Variants in TAF4B observed in about 807,000 individuals in gnomAD.
TAF4B encodes the protein TATA-box binding protein associated factor 4b, also known as transcription initiation factor TFIID subunit 4B.
TAF4B carries 38 observed loss-of-function variants against 86.4 expected under a neutral mutation model. The observed-to-expected ratio is 0.44, with a 90% CI of 0.34 to 0.58. TAF4B has a LOEUF of 0.58. Among genes scored for constraint, TAF4B ranks in the 20% least tolerant of loss-of-function variants. The pLI, the probability that TAF4B is intolerant of heterozygous loss-of-function variation, is 0.02. For missense variants in TAF4B, 988 were observed against 1,027.6 expected, an observed-to-expected ratio of 0.96 and a Z score of 0.53; for synonymous variants, 388 against 391.2, an observed-to-expected ratio of 0.99 and a Z score of 0.10.
At chr18:26,252,902 A>G (rs112250127) in intron 1 of TAF4B, among the ~76,000 whole-genome samples, 7 of 151,854 alleles carry the variant, frequency 4.6e-5, no homozygotes, top group African/African-American at 1.4e-4. Flanking sequence ...ATTTTATCAT[A>G]GGTATGTATG....
intron 1 of TAF4B, among the ~76,000 whole-genome samples, chr18:26,230,054 T>A (rs188842286): frequency 4.0e-4 from 61 of 152,110 alleles, no homozygotes; most frequent in African/African-American, 1.4e-3. Flanking sequence ...ATAAAAAGAA[T>A]GCACAAGAGA....
At chr18:26,321,305 A>G (rs2056960803) in intron 11 of TAF4B, 105 bp downstream of exon 11, 1 of 1,133,302 alleles carries the variant, frequency 8.8e-7, no homozygotes. Context: ...GTTGAGGCTT[A>G]TATTTCATAT....
At chr18:26,255,603 C>CAACAAA in intron 1 of TAF4B, 1 of 480,086 alleles carries the variant, frequency 2.1e-6, no homozygotes, top group Non-Finnish European at 3.4e-6. Context: ...ACTCTGTCTC[C>CAACAAA]AAAAAAAAAA....
intron 7 of TAF4B, among the ~76,000 whole-genome samples, chr18:26,286,844 T>G (rs1297219887): frequency 6.6e-6 from 1 of 152,076 alleles, no homozygotes; most frequent in Non-Finnish European, 1.5e-5. Flanking sequence ...CCACCACGCC[T>G]TTCTAATTTT....
intron 5 of TAF4B, among the ~76,000 whole-genome samples, chr18:26,280,364 A>C (rs2056433174): frequency 6.6e-6 from 1 of 152,218 alleles, no homozygotes; most frequent in Admixed American, 6.5e-5. Flanking sequence ...TACTATCAAC[A>C]GAGTAAACAG....
chr18:26,318,513 T>C (rs2056933445), intron 10 of TAF4B, among the ~76,000 whole-genome samples: 5 of 152,308 alleles, frequency 3.3e-5, no homozygotes, highest in Admixed American at 6.5e-5. Context: ...GATTTTCTTT[T>C]TGGAAAAAGG....
At chr18:26,330,996 G>A (rs2057045862) in intron 12 of TAF4B, among the ~76,000 whole-genome samples, 1 of 152,020 alleles carries the variant, frequency 6.6e-6, no homozygotes, top group South Asian at 2.1e-4. Context: ...TCACCACCTT[G>A]TATTCTTCAC....
rs368485870 is a variant in TAF4B, at chr18:26,227,215, C to G, written c.282C>G (p.Val94=). ...SGPRLPAPQI[V]AVKAPNTTTI... The stretch of plus-strand genomic sequence containing the variant: ...CTAGGCTGCCTGCTCCTCAGATAGT[C>G]GCCGTGAAAGCCCCCAACACCACGA... The change falls in exon 1 of 15, where the codon GTC becomes GTG. Residue 94 remains valine, a synonymous_variant. Coordinates refer to ENST00000269142, the MANE Select transcript of TAF4B (RefSeq NM_005640.3). The G allele has an allele frequency of 6.2e-7, 1 of 1,613,960 alleles. No homozygotes were observed. The highest frequency in any genetic ancestry group is 1.3e-5 in the African/African-American group (1 of 75,026).
chr18:26,355,492 A>G (rs1219585902), intron 13 of TAF4B, among the ~76,000 whole-genome samples: 1 of 152,214 alleles, frequency 6.6e-6, no homozygotes, highest in Non-Finnish European at 1.5e-5. Context: ...GTGCTTGTCA[A>G]GATGCATTGG....
chr18:26,361,423 C>T (rs575918679), intron 14 of TAF4B, among the ~76,000 whole-genome samples: 1 of 151,490 alleles, frequency 6.6e-6, no homozygotes, highest in South Asian at 2.1e-4. Context: ...CACTCTTGGC[C>T]CCAAATCTTA....
chr18:26,357,086 G>A (rs961999338), intron 13 of TAF4B, among the ~76,000 whole-genome samples: 4 of 152,084 alleles, frequency 2.6e-5, no homozygotes, highest in Non-Finnish European at 2.9e-5. Flanking sequence ...TTTTTAATGA[G>A]AGCATTTTGC....
At position 26,226,828 on chromosome 18, in the gene TAF4B, T is replaced by G; in HGVS notation, c.-106T>G. ...CGGCCCCCGCGCCTCTCCCCAGCGA[T>G]GCTGTGGAACCCGAACCGCACCGGA... is the stretch of plus-strand genomic sequence containing the variant. On this transcript the variant is annotated 5_prime_UTR_variant, in exon 1 of 15. An upstream start codon of the reference 5' UTR is lost. Transcript: ENST00000269142. The G allele has an allele frequency of 1.1e-6, 1 of 910,878 alleles. No homozygotes were observed. 56.4% of individuals were successfully genotyped at this position (910,878 alleles called of 1,614,324 possible).
At chr18:26,303,988 CTTG>C (rs775032553) in intron 9 of TAF4B, among the ~76,000 whole-genome samples, 4 of 151,900 alleles carry the variant, frequency 2.6e-5, no homozygotes, top group African/African-American at 4.8e-5. Context: ...AGATATCTTT[CTTG>C]TTGTTATTAT....
chr18:26,326,598 G>A (rs2057006912), intron 11 of TAF4B, among the ~76,000 whole-genome samples: 1 of 152,010 alleles, frequency 6.6e-6, no homozygotes, highest in Admixed American at 6.6e-5. Context: ...CTTGCTTTTT[G>A]TCTTTCAGAA....
intron 11 of TAF4B, among the ~76,000 whole-genome samples, chr18:26,326,672 G>C (rs1042390908): frequency 1.3e-5 from 2 of 152,092 alleles, no homozygotes; most frequent in African/African-American, 4.8e-5. Context: ...AAAGATTTTG[G>C]TTATTGGTGA....
In TAF4B at chr18:26,300,359, C is replaced by T. The variant is rs138825696; in HGVS notation, c.1832+6828C>T. On this transcript the variant is annotated intron_variant, in intron 9 of 14. Coordinates refer to ENST00000269142, the MANE Select transcript of TAF4B (RefSeq NM_005640.3). The stretch of plus-strand genomic sequence containing the variant: ...ATTAATGTAAGCATTTAAAATTATA[C>T]ATTTCCTCATTTGAGCTGAGGCTAC... Among the ~76,000 whole-genome samples the T allele has an allele frequency of 7.9e-3, 1,170 of 147,238 alleles. 14 individuals are homozygous for T. Among genetic ancestry groups the T allele is most frequent in the African/African-American group, 0.028 (1,107 of 40,132 alleles).
At chr18:26,321,400 G>T (rs902311099) in intron 11 of TAF4B, among the ~76,000 whole-genome samples, 200 bp downstream of exon 11, 1 of 152,090 alleles carries the variant, frequency 6.6e-6, no homozygotes, top group Non-Finnish European at 1.5e-5. Flanking sequence ...GATATTAAAA[G>T]CTTCTGTGTC....
chr18:26,357,522 G>C (rs147533989), intron 13 of TAF4B, among the ~76,000 whole-genome samples, 168 bp from the exon 14 acceptor site: 1 of 152,186 alleles, frequency 6.6e-6, no homozygotes, highest in East Asian at 1.9e-4. Flanking sequence ...AGAGTTTGTT[G>C]GTGTAAAAGA....
intron 14 of TAF4B, among the ~76,000 whole-genome samples, chr18:26,368,314 C>T (rs895768081): frequency 3.3e-5 from 5 of 152,074 alleles, no homozygotes; most frequent in African/African-American, 1.2e-4. Context: ...AATACTAAGC[C>T]TGAAATTATT....
Sources: gnomAD v4.1 joint callset for allele counts (sites outside exome capture counted in the v4.1 genomes callset) on GRCh38, gnomAD v4.1.1 for gene constraint, MANE v1.5 for transcripts, NCBI Gene and HGNC (gene_info 2026-07-23, HGNC 2026-07-21) for gene names.